The following MYH9 variants were observed in gnomAD, a reference collection of about 807,000 sequenced individuals.
MYH9 encodes the protein myosin heavy chain 9, also known as myosin-9.
A neutral mutation model predicts 241.9 loss-of-function variants in MYH9; 29 were observed. The observed-to-expected ratio is 0.12, with a 90% confidence interval of 0.09 to 0.16. The LOEUF is 0.16. Ranked by LOEUF, MYH9 falls within the 10% of genes least tolerant of loss-of-function variation. The pLI is 1.00. For missense variants in MYH9, 1,803 were observed against 2,595.5 expected (o/e 0.69, Z 6.63); for synonymous variants, 1,047 against 1,062.6 (o/e 0.99, Z 0.29).
At position 36,285,998 on chromosome 22, in the gene MYH9, C is replaced by T; in HGVS notation, c.5062-45G>A. ...TGTGACCTAAAGGCAGCCACAGCCC[C>T]ACAAGACCATCCTTCCCAGCCCCAG... On this transcript the variant is annotated intron_variant, in intron 35 of 40. Coordinates refer to ENST00000216181, the MANE Select transcript of MYH9 (RefSeq NM_002473.6). This position sits in a 1 kb window ranked among gnomAD's most constrained non-coding sequence, Gnocchi z 7.0. 1.2e-6 allele frequency: 2 copies of T among 1,601,036 alleles called. No homozygotes were observed. The highest frequency in any genetic ancestry group is 1.7e-6 in the Non-Finnish European group (2 of 1,176,772).
intron 13 of MYH9, among the ~76,000 whole-genome samples, chr22:36,312,544 C>A (rs2017082063): frequency 6.6e-6 from 1 of 152,190 alleles, no homozygotes; most frequent in Admixed American, 6.5e-5. Context: ...TGGGGTCTGC[C>A]CAGGAGGCTG....
At chr22:36,359,254 C>G (rs2017900181) in intron 1 of MYH9, among the ~76,000 whole-genome samples, 1 of 152,210 alleles carries the variant, frequency 6.6e-6, no homozygotes, top group African/African-American at 2.4e-5. Context: ...ATGTCTGGCA[C>G]AATGCCTGGC....
At chr22:36,371,150 G>A (rs1218387262) in intron 1 of MYH9, among the ~76,000 whole-genome samples, 2 of 152,314 alleles carry the variant, frequency 1.3e-5, no homozygotes, top group Non-Finnish European at 2.9e-5. Flanking sequence ...CCCTGTTACA[G>A]ATTGAATTGT....
At chr22:36,319,218 G>A (rs1015778698) in intron 10 of MYH9, among the ~76,000 whole-genome samples, 2 of 152,158 alleles carry the variant, frequency 1.3e-5, no homozygotes, top group East Asian at 1.9e-4. Flanking sequence ...TCAAGATCTC[G>A]ACATAGTCAC....
At chr22:36,302,747 C>T (rs1209562675) in intron 19 of MYH9, 71 bp from the exon 20 acceptor site, 6 of 1,369,554 alleles carry the variant, frequency 4.4e-6, no homozygotes, top group Non-Finnish European at 6.2e-6. Context: ...CTGGTCTTGT[C>T]CTCAAGCTTT....
At chr22:36,364,583 C>A (rs2146409403) in intron 1 of MYH9, among the ~76,000 whole-genome samples, 1 of 152,278 alleles carries the variant, frequency 6.6e-6, no homozygotes, top group South Asian at 2.1e-4. Flanking sequence ...ATCCAGGGTC[C>A]TCACCCTCCG....
intron 2 of MYH9, among the ~76,000 whole-genome samples, chr22:36,342,802 G>A (rs1031336958): frequency 2.6e-5 from 4 of 152,166 alleles, no homozygotes; most frequent in African/African-American, 9.7e-5. Context: ...GGGGCTCCAC[G>A]CACCACATCA....
intron 1 of MYH9, among the ~76,000 whole-genome samples, chr22:36,357,709 A>G (rs2017878082): frequency 6.6e-6 from 1 of 152,122 alleles, no homozygotes; most frequent in Non-Finnish European, 1.5e-5. Context: ...CTCCTTAACA[A>G]AACAGAAATC....
chr22:36,320,984 G>A lies in MYH9; in HGVS notation c.770-88C>T, dbSNP rs1027509797. The A allele has an allele frequency of 6.6e-6, 7 of 1,068,320 alleles. No individual in the cohort carries two copies. Among genetic ancestry groups the A allele is most frequent in the Admixed American group, 2.0e-5 (1 of 50,486 alleles). The allele number at this position is 1,068,320 out of a possible 1,614,324, so 66.2% of individuals were successfully genotyped here. On this transcript the variant is annotated intron_variant, in intron 7 of 40. Coordinates refer to ENST00000216181, the MANE Select transcript of MYH9 (RefSeq NM_002473.6). The surrounding 1 kb of genome is among the most constrained non-coding windows in gnomAD (Gnocchi z 4.8). ...TTTTTTTTTTTGGAGACAGAGTCTCGCTCTGTCACCCAGGTTGGAGTGCAG... is the reference window on the plus strand; with the variant it reads ...TTTTTTTTTTTGGAGACAGAGTCTCACTCTGTCACCCAGGTTGGAGTGCAG...
chr22:36,338,571 G>A (rs1283228514), intron 3 of MYH9, among the ~76,000 whole-genome samples: 1 of 151,542 alleles, frequency 6.6e-6, no homozygotes, highest in Non-Finnish European at 1.5e-5. Flanking sequence ...TATAATCCCA[G>A]CACTTTGGGA....
chr22:36,355,188 A>G (rs1383922433), intron 1 of MYH9, among the ~76,000 whole-genome samples: 1 of 152,178 alleles, frequency 6.6e-6, no homozygotes, highest in East Asian at 1.9e-4. Context: ...AAGAAACCCA[A>G]GCAGTTGCCT....
chr22:36,308,780 A>G (rs2017012791), intron 15 of MYH9: 1 of 977,958 alleles, frequency 1.0e-6, no homozygotes, highest in African/African-American at 1.8e-5. Flanking sequence ...CCACACACAC[A>G]AGAGACACCA....
At chr22:36,313,552 G>A (rs375104006) in intron 13 of MYH9, among the ~76,000 whole-genome samples, 9 of 151,650 alleles carry the variant, frequency 5.9e-5, no homozygotes, top group Non-Finnish European at 1.3e-4. Context: ...ACAAACAGGC[G>A]ACCCAACCTC....
chr22:36,368,233 T>A (rs1460810541), intron 1 of MYH9, among the ~76,000 whole-genome samples: 1 of 152,244 alleles, frequency 6.6e-6, no homozygotes, highest in Non-Finnish European at 1.5e-5. Context: ...CACTTTATTC[T>A]GAGTGCTTTT....
chr22:36,290,358 A>AAAC (rs2016668614), intron 31 of MYH9, among the ~76,000 whole-genome samples: 1 of 149,350 alleles, frequency 6.7e-6, no homozygotes, highest in Non-Finnish European at 1.5e-5. Context: ...AAAAAAAAAA[A>AAAC]CCCAAACTAT....
At chr22:36,377,158 T>A (rs899903339) in intron 1 of MYH9, among the ~76,000 whole-genome samples, 13 of 151,888 alleles carry the variant, frequency 8.6e-5, no homozygotes, top group African/African-American at 3.1e-4. Flanking sequence ...AGTTACAGCA[T>A]AGGGACAGAA....
At position 36,286,416 on chromosome 22, in the gene MYH9, C is replaced by T. The variant is rs867491201; in HGVS notation, c.5061+302G>A. Among the ~76,000 whole-genome samples the T allele has an allele frequency of 1.1e-4, 16 of 152,312 alleles. No homozygotes were observed. In the Middle Eastern group the frequency reaches 0.014, roughly 130 times the overall value. On this transcript the variant is annotated intron_variant, in intron 35 of 40. Coordinates refer to ENST00000216181, the MANE Select transcript of MYH9 (RefSeq NM_002473.6). ...ACGGGCTCAGGTGCGACGGGCAGGGCGGCCGAGGGGACGCTCAGACCCCTT... is the reference window on the plus strand; with the variant it reads ...ACGGGCTCAGGTGCGACGGGCAGGGTGGCCGAGGGGACGCTCAGACCCCTT...
At chr22:36,301,477 C>A (rs2016876121) in intron 21 of MYH9, 57 bp downstream of exon 21, 2 of 1,607,512 alleles carry the variant, frequency 1.2e-6, no homozygotes, top group Non-Finnish European at 8.5e-7. Flanking sequence ...CGATGGCCAG[C>A]AGGTGGCAGC....
chr22:36,353,013 C>A (rs1425386538), intron 1 of MYH9, among the ~76,000 whole-genome samples: 1 of 152,146 alleles, frequency 6.6e-6, no homozygotes, highest in East Asian at 1.9e-4. Context: ...CCCTCGGCCA[C>A]CTGGGCAGGA....
Sources: allele counts gnomAD v4.1 joint callset (sites outside exome capture counted in the v4.1 genomes callset), GRCh38; gene constraint gnomAD v4.1.1; non-coding constraint Gnocchi (gnomAD v3.1); transcripts MANE v1.5; gene names NCBI Gene and HGNC (gene_info 2026-07-23, HGNC 2026-07-21).